The following PCP4L1 variants were observed in gnomAD, a reference collection of about 807,000 sequenced individuals.
PCP4L1 encodes the protein Purkinje cell protein 4 like 1.
A neutral mutation model predicts 9.6 loss-of-function variants in PCP4L1; 9 were observed. The observed-to-expected ratio is 0.94, with a 90% confidence interval of 0.57 to 1.64. PCP4L1 has a LOEUF of 1.64. PCP4L1 is among the 40% of genes most tolerant of loss of function. The pLI, the probability that PCP4L1 is intolerant of heterozygous loss-of-function variation, is 0.00. For missense variants in PCP4L1, 81 were observed against 80.8 expected (o/e 1.00, Z -0.01); for synonymous variants, 31 against 28.2 (o/e 1.10, Z -0.31).
intron 1 of PCP4L1, among the ~76,000 whole-genome samples, chr1:161,280,885 G>A (rs142019027): frequency 0.02 from 2,959 of 151,298 alleles, 95 homozygotes; most frequent in African/African-American, 0.068. Flanking sequence ...GGTGTTTCTC[G>A]CAGAGGGGGA....
At chr1:161,277,250 C>T (rs924711591) in intron 1 of PCP4L1, among the ~76,000 whole-genome samples, 3 of 152,126 alleles carry the variant, frequency 2.0e-5, no homozygotes, top group African/African-American at 7.2e-5. Flanking sequence ...AGTACATATC[C>T]ACGTCTTCCA....
intron 1 of PCP4L1, among the ~76,000 whole-genome samples, chr1:161,274,864 G>A (rs780368028): frequency 2.0e-5 from 3 of 152,196 alleles, no homozygotes; most frequent in Non-Finnish European, 1.5e-5. Context: ...CCTTTCAGTG[G>A]AAGGTAAAAG....
At chr1:161,259,283 G>GC (rs1364108516) in intron 1 of PCP4L1, among the ~76,000 whole-genome samples, 4 of 152,070 alleles carry the variant, frequency 2.6e-5, no homozygotes, top group African/African-American at 9.7e-5. Flanking sequence ...TCTGGATACT[G>GC]CCCCCTGCAT....
At chr1:161,262,288 G>A (rs925483846) in intron 1 of PCP4L1, among the ~76,000 whole-genome samples, 1 of 151,856 alleles carries the variant, frequency 6.6e-6, no homozygotes, top group Non-Finnish European at 1.5e-5. Context: ...CAAAAAATTA[G>A]CCAGGCATGG....
At chr1:161,267,249 T>C (rs1669546327) in intron 1 of PCP4L1, among the ~76,000 whole-genome samples, 2 of 152,238 alleles carry the variant, frequency 1.3e-5, no homozygotes, top group South Asian at 2.1e-4. Flanking sequence ...CCAAACTAAG[T>C]ATTCTGGCAG....
intron 1 of PCP4L1, among the ~76,000 whole-genome samples, chr1:161,260,899 T>A (rs952044538): frequency 1.3e-5 from 2 of 152,186 alleles, no homozygotes; most frequent in South Asian, 2.1e-4. Flanking sequence ...AATACAGAGC[T>A]GAGCCTGGTC....
chr1:161,262,433 CAAAAAA>C (rs539872397), intron 1 of PCP4L1, among the ~76,000 whole-genome samples: 9 of 63,142 alleles, frequency 1.4e-4, no homozygotes, highest in South Asian at 1.3e-3. Context: ...GACTCCATCT[CAAAAAA>C]AAAAAAAAAA....
At chr1:161,281,630 C>T (rs564365924) in intron 1 of PCP4L1, among the ~76,000 whole-genome samples, 24 of 147,624 alleles carry the variant, frequency 1.6e-4, no homozygotes, top group African/African-American at 4.1e-4. Flanking sequence ...CCCTCCCGGA[C>T]GGGGTGGCTG....
chr1:161,273,916 T>G (rs1409850679), intron 1 of PCP4L1, among the ~76,000 whole-genome samples: 1 of 152,172 alleles, frequency 6.6e-6, no homozygotes. Context: ...ATACTTTTGA[T>G]TGGAGATTGA....
chr1:161,259,571 C>CT (rs1473084002), intron 1 of PCP4L1, among the ~76,000 whole-genome samples: 1 of 152,210 alleles, frequency 6.6e-6, no homozygotes, highest in African/African-American at 2.4e-5. Flanking sequence ...CCTCCCTCTG[C>CT]AGTGCTTGTT....
chr1:161,272,382 A>G (rs1435584098), intron 1 of PCP4L1, among the ~76,000 whole-genome samples: 1 of 151,572 alleles, frequency 6.6e-6, no homozygotes, highest in Non-Finnish European at 1.5e-5. Flanking sequence ...ACATGGTGAA[A>G]CCCTGTCTCT....
intron 1 of PCP4L1, among the ~76,000 whole-genome samples, chr1:161,273,073 G>A (rs1039565186): frequency 6.6e-6 from 1 of 152,180 alleles, no homozygotes; most frequent in Non-Finnish European, 1.5e-5. Context: ...TCTTCCCCAT[G>A]GGAAGGGAGA....
intron 1 of PCP4L1, among the ~76,000 whole-genome samples, chr1:161,266,044 A>G (rs1289118740): frequency 6.6e-6 from 1 of 151,828 alleles, no homozygotes; most frequent in East Asian, 1.9e-4. Context: ...TGGCCTCAAA[A>G]CCACTTTTCT....
At chr1:161,276,185 G>A (rs1408648659) in intron 1 of PCP4L1, among the ~76,000 whole-genome samples, 1 of 152,082 alleles carries the variant, frequency 6.6e-6, no homozygotes, top group East Asian at 1.9e-4. Context: ...ACATTTTATC[G>A]ATTATGTGCA....
At chr1:161,277,462 A>G (rs1027294795) in intron 1 of PCP4L1, among the ~76,000 whole-genome samples, 1 of 151,746 alleles carries the variant, frequency 6.6e-6, no homozygotes, top group African/African-American at 2.4e-5. Flanking sequence ...TTCCTTAACT[A>G]TAAAATAGGG....
intron 1 of PCP4L1, 116 bp downstream of exon 1, chr1:161,259,099 C>T: frequency 7.2e-7 from 1 of 1,394,902 alleles, no homozygotes; most frequent in South Asian, 1.4e-5. Flanking sequence ...AAGAACCCTC[C>T]AGGGGCGCCC....
chr1:161,284,532 C>A lies in PCP4L1; in HGVS notation c.*51C>A. The A allele has an allele frequency of 6.3e-7, 1 of 1,585,566 alleles. No homozygotes were observed. Among genetic ancestry groups the A allele is most frequent in the African/African-American group, 1.3e-5 (1 of 74,402 alleles). On this transcript the variant is annotated 3_prime_UTR_variant, in exon 3 of 3. Transcript: ENST00000504449. ...ACCTTCATGCTGGTCCCTTCTCTCC[C>A]CTTCTCCACACCCATGTATCTTTAT...
intron 1 of PCP4L1, among the ~76,000 whole-genome samples, chr1:161,274,356 ACT>A (rs1299512573): frequency 6.6e-6 from 1 of 151,556 alleles, no homozygotes; most frequent in Non-Finnish European, 1.5e-5. Context: ...CAAGAGCAAA[ACT>A]CTGTCTCAAA....
At position 161,284,430 on chromosome 1, in the gene PCP4L1, T is replaced by A. The variant is rs1669873239; in HGVS notation, c.156T>A (p.Ile52=). The change falls in exon 3 of 3, where the codon ATT becomes ATA. Residue 52 remains isoleucine, a synonymous_variant. Transcript: ENST00000504449. ...AAACAGAGAAGGCTGCCCTTGCTAT[T>A]CAGGGCAAGTTCCGGCGATTTCAGA... ...APETEKAALA[I]QGKFRRFQKR... 6.2e-7 allele frequency: 1 copy of A among 1,613,978 alleles called. No individual in the cohort carries two copies. The highest frequency in any genetic ancestry group is 8.5e-7 in the Non-Finnish European group (1 of 1,179,884).
Sources: allele counts gnomAD v4.1 joint callset (sites outside exome capture counted in the v4.1 genomes callset), GRCh38; gene constraint gnomAD v4.1.1; transcripts MANE v1.5; gene names NCBI Gene and HGNC (gene_info 2026-07-23, HGNC 2026-07-21).